Variants in NDUFAF2 observed in about 807,000 individuals in gnomAD.
The protein encoded by NDUFAF2 is NADH dehydrogenase [ubiquinone] 1 alpha subcomplex assembly factor 2.
In NDUFAF2, 13 loss-of-function variants were observed where a neutral mutation model predicts 22.8. The observed-to-expected ratio is 0.57, with a 90% CI of 0.37 to 0.91. The LOEUF is 0.91. NDUFAF2 is among the 40% of genes least tolerant of loss of function. The probability of loss-of-function intolerance (pLI) is 0.01; values close to 1 mark genes in which losing one functional copy is unlikely to be tolerated. For missense variants in NDUFAF2, 162 were observed against 195.2 expected (o/e 0.83, Z 1.01); for synonymous variants, 53 against 64.2 (o/e 0.83, Z 0.84).
At chr5:61,084,778 A>G (rs769010585) in intron 2 of NDUFAF2, among the ~76,000 whole-genome samples, 20 of 152,162 alleles carry the variant, frequency 1.3e-4, no homozygotes, top group Admixed American at 5.9e-4. Context: ...TAGTGCTGCT[A>G]TGAATATAGG....
At chr5:61,128,525 C>T (rs933616821) in intron 3 of NDUFAF2, among the ~76,000 whole-genome samples, 19 of 152,040 alleles carry the variant, frequency 1.2e-4, no homozygotes, top group African/African-American at 4.3e-4. Context: ...CTTTGATGAA[C>T]CTGACAAAAA....
intron 3 of NDUFAF2, among the ~76,000 whole-genome samples, chr5:61,140,032 A>T (rs906359600): frequency 6.6e-6 from 1 of 152,226 alleles, no homozygotes; most frequent in Non-Finnish European, 1.5e-5. Flanking sequence ...GCACATCCTC[A>T]TTCTTCTTAG....
At position 60,984,429 on chromosome 5, in the gene NDUFAF2, A is replaced by G. The variant is rs1195472623; in HGVS notation, c.127+39047A>G. On this transcript the variant is annotated intron_variant, in intron 1 of 3. Coordinates refer to ENST00000296597, the MANE Select transcript of NDUFAF2 (RefSeq NM_174889.5). ...GATTGCCCTGGCCAGAACTTCCAAC[A>G]CTATGTTGAATAGGAGTGGTGAGAG... is the stretch of plus-strand genomic sequence containing the variant. Among the ~76,000 whole-genome samples, 5 of 152,184 alleles carry G rather than the reference A, an allele frequency of 3.3e-5. No individual in the cohort carries two copies. In the South Asian group the frequency reaches 1.0e-3, roughly 32 times the overall value.
At chr5:61,081,974 G>A (rs1441042073) in intron 2 of NDUFAF2, among the ~76,000 whole-genome samples, 2 of 152,228 alleles carry the variant, frequency 1.3e-5, no homozygotes, top group Non-Finnish European at 2.9e-5. Context: ...GCACTGCACT[G>A]CCAAATGGAT....
intron 1 of NDUFAF2, among the ~76,000 whole-genome samples, chr5:60,978,934 G>A (rs992582557): frequency 6.6e-6 from 1 of 152,212 alleles, no homozygotes; most frequent in East Asian, 1.9e-4. Context: ...AGAAGGGAGC[G>A]TAAACACGAC....
At chr5:61,048,750 A>G (rs34643) in intron 1 of NDUFAF2, among the ~76,000 whole-genome samples, 102,865 of 151,938 alleles carry the variant, frequency 0.68, 35,171 homozygotes, top group East Asian at 0.94. Flanking sequence ...GTGAAGAACC[A>G]CCATTCCTCT....
intron 2 of NDUFAF2, among the ~76,000 whole-genome samples, chr5:61,087,345 A>T (rs1752516279): frequency 2.0e-5 from 3 of 152,144 alleles, no homozygotes; most frequent in South Asian, 4.1e-4. Context: ...TGTTTAAGCC[A>T]CTCAGTCTGT....
rs575333748 is a variant in NDUFAF2 at position 61,023,779 on chromosome 5, T to C, written c.128-49346T>C. Among the ~76,000 whole-genome samples the C allele has an allele frequency of 2.0e-5, 3 of 152,310 alleles. No homozygotes were observed. The East Asian group carries it at 5.8e-4, about 29-fold the overall frequency. ...TTAGAGTTCATGGGCCACGTTTTTC[T>C]AGTTAATTTTTCTTGAGTAGCACAC... On this transcript the variant is annotated intron_variant, in intron 1 of 3. Coordinates refer to ENST00000296597, the MANE Select transcript of NDUFAF2 (RefSeq NM_174889.5).
At chr5:61,151,780 G>T (rs1187119077) in intron 3 of NDUFAF2, among the ~76,000 whole-genome samples, 1 of 142,050 alleles carries the variant, frequency 7.0e-6, no homozygotes, top group Admixed American at 7.6e-5. Context: ...GGCAACAAGA[G>T]CAAAACTCCG....
intron 1 of NDUFAF2, among the ~76,000 whole-genome samples, chr5:60,985,487 A>G (rs1018600751): frequency 2.6e-5 from 4 of 151,986 alleles, no homozygotes; most frequent in African/African-American, 9.7e-5. Flanking sequence ...TTGTGATGTT[A>G]GGGTGTCAAT....
intron 1 of NDUFAF2, among the ~76,000 whole-genome samples, chr5:61,044,790 A>G (rs921123018): frequency 6.6e-6 from 1 of 152,034 alleles, no homozygotes; most frequent in Non-Finnish European, 1.5e-5. Flanking sequence ...TTTGCTCAAG[A>G]TTGCCTTGGC....
chr5:61,054,945 T>C (rs1419804134), intron 1 of NDUFAF2, among the ~76,000 whole-genome samples: 1 of 152,206 alleles, frequency 6.6e-6, no homozygotes, highest in African/African-American at 2.4e-5. Context: ...ATGAGAGCTG[T>C]TCTCTCATGT....
intron 3 of NDUFAF2, among the ~76,000 whole-genome samples, chr5:61,128,073 A>G (rs969954192): frequency 3.3e-5 from 5 of 152,226 alleles, no homozygotes; most frequent in African/African-American, 9.6e-5. Context: ...TAAAATAGCT[A>G]GGAATCCAAC....
intron 1 of NDUFAF2, among the ~76,000 whole-genome samples, chr5:60,960,758 C>T (rs555236432): frequency 9.2e-5 from 14 of 152,026 alleles, no homozygotes; most frequent in South Asian, 6.2e-4. Context: ...GTTATTTTTA[C>T]ACTTAAAAGG....
chr5:61,149,375 C>A (rs1741194784), intron 3 of NDUFAF2, among the ~76,000 whole-genome samples: 1 of 152,112 alleles, frequency 6.6e-6, no homozygotes, highest in South Asian at 2.1e-4. Context: ...TAAACTGAGA[C>A]TAAAAAAGTT....
Position 60,988,019 on chromosome 5 carries a change from A to G in NDUFAF2, c.127+42637A>G, listed in dbSNP as rs183914327. The stretch of plus-strand genomic sequence containing the variant: ...CAGAAAACATGGTTCTATATTTAGA[A>G]AACCCCATACTCCTGGCCAAAAAGC... On this transcript the variant is annotated intron_variant, in intron 1 of 3. Coordinates refer to ENST00000296597, the MANE Select transcript of NDUFAF2 (RefSeq NM_174889.5). 3.8e-3 allele frequency among the ~76,000 whole-genome samples: 580 copies of G among 152,310 alleles called. 4 individuals carry two copies. Among genetic ancestry groups the G allele is most frequent in the African/African-American group, 0.013 (543 of 41,568 alleles).
intron 1 of NDUFAF2, among the ~76,000 whole-genome samples, chr5:61,051,371 C>G (rs1443163651): frequency 6.6e-6 from 1 of 152,012 alleles, no homozygotes; most frequent in African/African-American, 2.4e-5. Context: ...ACCATCTGAC[C>G]CCTGAGACCA....
intron 1 of NDUFAF2, among the ~76,000 whole-genome samples, chr5:61,009,384 A>G (rs547381198): frequency 4.6e-5 from 7 of 152,170 alleles, no homozygotes; most frequent in Admixed American, 1.3e-4. Context: ...GGTATGTAAC[A>G]TCTCCTAATC....
At chr5:61,062,655 G>C (rs1386315974) in intron 1 of NDUFAF2, among the ~76,000 whole-genome samples, 3 of 152,148 alleles carry the variant, frequency 2.0e-5, no homozygotes, top group Non-Finnish European at 4.4e-5. Flanking sequence ...AGTAATTGCT[G>C]AAAATTTGTC....
Sources: gnomAD v4.1 joint callset for allele counts (sites outside exome capture counted in the v4.1 genomes callset) on GRCh38, gnomAD v4.1.1 for gene constraint, MANE v1.5 for transcripts, NCBI Gene and HGNC (gene_info 2026-07-23, HGNC 2026-07-21) for gene names.